Variants in VWC2L observed in about 807,000 individuals in gnomAD.
The protein encoded by VWC2L is von Willebrand factor C domain containing 2 like.
In VWC2L, 10 loss-of-function variants were observed where a neutral mutation model predicts 21.6. The ratio of observed to expected loss-of-function variants is 0.46; its 90% CI spans 0.29 to 0.78. The LOEUF (loss-of-function observed/expected upper bound fraction) is 0.78. Among genes scored for constraint, VWC2L ranks in the 30% least tolerant of loss-of-function variants. The pLI is 0.10. For synonymous variants in VWC2L, 96 were observed against 94.3 expected (o/e 1.02, Z -0.10); for missense variants, 209 against 277.1 (o/e 0.75, Z 1.74).
At chr2:214,468,046 CT>C (rs1311828660) in intron 3 of VWC2L, among the ~76,000 whole-genome samples, 4 of 151,916 alleles carry the variant, frequency 2.6e-5, no homozygotes, top group African/African-American at 9.7e-5. Context: ...GAGACAGAGT[CT>C]CACTCTGTTG....
At chr2:214,417,337 A>G (rs1461302509) in intron 2 of VWC2L, among the ~76,000 whole-genome samples, 1 of 148,282 alleles carries the variant, frequency 6.7e-6, no homozygotes, top group Non-Finnish European at 1.5e-5. Context: ...GATCGATGTG[A>G]AGAGAGAAGG....
In VWC2L at chr2:214,422,984, AT is replaced by A. The variant is rs1178156873; in HGVS notation, c.390+8402del. 3.1e-3 allele frequency among the ~76,000 whole-genome samples: 474 copies of A among 152,328 alleles called. 2 individuals are homozygous for A. Among genetic ancestry groups the A allele is most frequent in the African/African-American group, 0.011 (451 of 41,588 alleles). On this transcript the variant is annotated intron_variant, in intron 2 of 3. Coordinates refer to ENST00000312504, the MANE Select transcript of VWC2L (RefSeq NM_001080500.4). ...ACAGAATTGATACAATAATGAGACCATATATATCTTATGAAGAATAAATAGT... is the reference window on the plus strand; with the variant it reads ...ACAGAATTGATACAATAATGAGACCAATATATCTTATGAAGAATAAATAGT...
At chr2:214,527,332 A>G (rs981464836) in intron 3 of VWC2L, among the ~76,000 whole-genome samples, 2 of 152,130 alleles carry the variant, frequency 1.3e-5, no homozygotes, top group African/African-American at 4.8e-5. Flanking sequence ...TTGTATCCTA[A>G]ACCTCAGTAT....
chr2:214,456,212 G>T (rs1020939151), intron 3 of VWC2L, among the ~76,000 whole-genome samples: 4 of 151,662 alleles, frequency 2.6e-5, no homozygotes, highest in African/African-American at 9.7e-5. Context: ...TTATTTTTTT[G>T]TCTCTTTGAT....
intron 2 of VWC2L, among the ~76,000 whole-genome samples, chr2:214,432,215 G>A (rs1702610717): frequency 6.6e-6 from 1 of 152,204 alleles, no homozygotes; most frequent in Non-Finnish European, 1.5e-5. Context: ...ACAAATATTT[G>A]TTGAGTATCT....
At chr2:214,529,314 T>C (rs1559320189) in intron 3 of VWC2L, among the ~76,000 whole-genome samples, 1 of 152,230 alleles carries the variant, frequency 6.6e-6, no homozygotes, top group African/African-American at 2.4e-5. Context: ...AATTGGGCAG[T>C]TGGGAACTCA....
intron 3 of VWC2L, among the ~76,000 whole-genome samples, chr2:214,467,268 G>C (rs762078859): frequency 2.0e-5 from 3 of 152,232 alleles, no homozygotes; most frequent in South Asian, 2.1e-4. Flanking sequence ...TGAACAACTT[G>C]TTTCCCCACA....
At chr2:214,422,370 T>C (rs1035240149) in intron 2 of VWC2L, among the ~76,000 whole-genome samples, 2 of 152,312 alleles carry the variant, frequency 1.3e-5, no homozygotes, top group East Asian at 3.9e-4. Context: ...AATCTTGTTT[T>C]AAGATATTAA....
At chr2:214,438,603 C>G (rs189549246) in intron 3 of VWC2L, among the ~76,000 whole-genome samples, 1 of 152,166 alleles carries the variant, frequency 6.6e-6, no homozygotes, top group Admixed American at 6.6e-5. Context: ...ACACATGCAT[C>G]TATCACATCC....
intron 3 of VWC2L, among the ~76,000 whole-genome samples, chr2:214,517,630 A>C (rs1295739250): frequency 6.6e-6 from 1 of 152,230 alleles, no homozygotes. Flanking sequence ...GTTTATAGAA[A>C]GATTCCATGG....
chr2:214,550,860 G>A (rs562403360), intron 3 of VWC2L, among the ~76,000 whole-genome samples: 1 of 152,090 alleles, frequency 6.6e-6, no homozygotes, highest in Non-Finnish European at 1.5e-5. Context: ...AAACTTTTCA[G>A]TGGCTCCCCA....
chr2:214,496,555 A>G (rs1005058786), intron 3 of VWC2L, among the ~76,000 whole-genome samples: 2 of 152,196 alleles, frequency 1.3e-5, no homozygotes, highest in African/African-American at 4.8e-5. Context: ...TACGTTCAAC[A>G]GTCTGCTTCA....
chr2:214,486,529 G>A (rs1402705251), intron 3 of VWC2L, among the ~76,000 whole-genome samples: 1 of 152,038 alleles, frequency 6.6e-6, no homozygotes, highest in Non-Finnish European at 1.5e-5. Context: ...TTACTGCACT[G>A]GTAATTACAT....
intron 3 of VWC2L, among the ~76,000 whole-genome samples, chr2:214,550,447 A>C (rs1284606035): frequency 1.3e-5 from 2 of 152,168 alleles, no homozygotes; most frequent in Non-Finnish European, 2.9e-5. Context: ...TATTACCAAA[A>C]ATCAAATATT....
At chr2:214,524,721 T>A (rs1199534512) in intron 3 of VWC2L, among the ~76,000 whole-genome samples, 1 of 152,112 alleles carries the variant, frequency 6.6e-6, no homozygotes, top group Admixed American at 6.5e-5. Flanking sequence ...GCCGCATCAA[T>A]GCCCCAGTTT....
At chr2:214,419,250 A>G (rs1384982968) in intron 2 of VWC2L, among the ~76,000 whole-genome samples, 4 of 152,114 alleles carry the variant, frequency 2.6e-5, no homozygotes, top group Admixed American at 1.3e-4. Context: ...TCTTTCTTTT[A>G]TGTGCACCCC....
intron 3 of VWC2L, chr2:214,525,305 C>T (rs978911874): frequency 6.6e-6 from 1 of 152,080 alleles, no homozygotes; most frequent in Non-Finnish European, 1.5e-5. Flanking sequence ...TGTGTGCAAA[C>T]AGACAAAAGT....
At chr2:214,544,701 T>G (rs1322705545) in intron 3 of VWC2L, among the ~76,000 whole-genome samples, 1 of 152,148 alleles carries the variant, frequency 6.6e-6, no homozygotes, top group Non-Finnish European at 1.5e-5. Context: ...TTGTTTTCTA[T>G]AATAGGGGAC....
At chr2:214,512,750 A>G (rs1391098876) in intron 3 of VWC2L, among the ~76,000 whole-genome samples, 1 of 151,372 alleles carries the variant, frequency 6.6e-6, no homozygotes, top group East Asian at 1.9e-4. Context: ...CCCATACAAC[A>G]GTGGTAGACT....
Sources: gnomAD v4.1 joint callset for allele counts (sites outside exome capture counted in the v4.1 genomes callset) on GRCh38, gnomAD v4.1.1 for gene constraint, MANE v1.5 for transcripts, NCBI Gene and HGNC (gene_info 2026-07-23, HGNC 2026-07-21) for gene names.